The following GABRG3 variants were observed in gnomAD, a reference collection of about 807,000 sequenced individuals.
GABRG3 encodes gamma-aminobutyric acid type A receptor subunit gamma3, also known as gamma-aminobutyric acid receptor subunit gamma-3.
In GABRG3, 25 loss-of-function variants were observed where a neutral mutation model predicts 48.8. That is an observed-to-expected ratio of 0.51 (90% CI 0.37 to 0.72). The LOEUF (loss-of-function observed/expected upper bound fraction) is 0.72. Ranked by LOEUF, GABRG3 falls within the 30% of genes least tolerant of loss-of-function variation. The pLI is 0.00. For missense variants in GABRG3, 394 were observed against 577.9 expected (o/e 0.68, Z 3.26); for synonymous variants, 227 against 217.6 (o/e 1.04, Z -0.38).
intron 1 of GABRG3, among the ~76,000 whole-genome samples, chr15:26,973,708 T>G (rs1402587260): frequency 6.6e-6 from 1 of 152,248 alleles, no homozygotes; most frequent in African/African-American, 2.4e-5. Flanking sequence ...ATGCCTTAAC[T>G]GCTTTCTGAG....
intron 3 of GABRG3, among the ~76,000 whole-genome samples, chr15:27,052,891 T>C (rs546064486): frequency 5.9e-5 from 9 of 152,042 alleles, no homozygotes; most frequent in Admixed American, 1.3e-4. Context: ...TTTGATAAAA[T>C]TGATAAAAAT....
chr15:27,101,248 A>G (rs1897351272), intron 3 of GABRG3, among the ~76,000 whole-genome samples: 1 of 152,240 alleles, frequency 6.6e-6, no homozygotes, highest in African/African-American at 2.4e-5. Context: ...AAATCTAACA[A>G]ACAGGTACAG....
intron 3 of GABRG3, among the ~76,000 whole-genome samples, chr15:27,298,496 A>G (rs1425518001): frequency 6.6e-6 from 1 of 152,152 alleles, no homozygotes; most frequent in Non-Finnish European, 1.5e-5. Flanking sequence ...ATAGTCAATT[A>G]TGTATTCGTT....
At chr15:27,403,927 A>AC (rs1217733969) in intron 5 of GABRG3, among the ~76,000 whole-genome samples, 4,303 of 125,100 alleles carry the variant, frequency 0.034, 99 homozygotes, top group Middle Eastern at 0.095. Flanking sequence ...AAAAAAAAAA[A>AC]ACAAAAAAAA....
chr15:27,119,400 GAT>G (rs1897694664), intron 3 of GABRG3, among the ~76,000 whole-genome samples: 1 of 152,208 alleles, frequency 6.6e-6, no homozygotes, highest in East Asian at 1.9e-4. Context: ...TTAAGGAAAA[GAT>G]ATAACTTTTT....
intron 3 of GABRG3, among the ~76,000 whole-genome samples, chr15:27,030,981 A>C (rs777113480): frequency 1.3e-5 from 2 of 151,908 alleles, no homozygotes; most frequent in African/African-American, 2.4e-5. Context: ...TAAATTAATA[A>C]ATTTTTTGAG....
chr15:27,398,981 A>G (rs1887401507), intron 5 of GABRG3, among the ~76,000 whole-genome samples: 1 of 152,178 alleles, frequency 6.6e-6, no homozygotes, highest in African/African-American at 2.4e-5. Context: ...TCTGTTTTCT[A>G]CATTGTGAGT....
chr15:27,277,848 T>G (rs541335256), intron 3 of GABRG3, among the ~76,000 whole-genome samples: 1 of 152,298 alleles, frequency 6.6e-6, no homozygotes. Flanking sequence ...ATTTTTATAT[T>G]ATTATAGTTT....
chr15:27,169,896 A>G (rs773570978), intron 3 of GABRG3, among the ~76,000 whole-genome samples: 2 of 152,224 alleles, frequency 1.3e-5, no homozygotes, highest in Non-Finnish European at 2.9e-5. Context: ...ACCAAAAACA[A>G]TGGAAAAACA....
At chr15:27,030,555 T>G (rs1896065210) in intron 3 of GABRG3, among the ~76,000 whole-genome samples, 1 of 152,216 alleles carries the variant, frequency 6.6e-6, no homozygotes, top group Non-Finnish European at 1.5e-5. Context: ...TACCTAAATG[T>G]GTAGCATTCA....
intron 2 of GABRG3, among the ~76,000 whole-genome samples, chr15:27,016,398 TC>T (rs201378377): frequency 0.016 from 2,491 of 152,216 alleles, 35 homozygotes; most frequent in Non-Finnish European, 0.024. Context: ...TGATTTTTTT[TC>T]CTTTCAGCAT....
intron 3 of GABRG3, among the ~76,000 whole-genome samples, chr15:27,147,110 GA>G (rs1898222943): frequency 2.0e-5 from 3 of 151,954 alleles, no homozygotes; most frequent in African/African-American, 7.2e-5. Flanking sequence ...ACCATGACAA[GA>G]GTACTAAAAG....
chr15:27,127,243 GAT>G (rs1307095655), intron 3 of GABRG3, among the ~76,000 whole-genome samples: 3 of 151,998 alleles, frequency 2.0e-5, no homozygotes, highest in Non-Finnish European at 2.9e-5. Context: ...AAATATGATA[GAT>G]ATATAGAATG....
At chr15:27,151,907 C>G (rs1347893586) in intron 3 of GABRG3, among the ~76,000 whole-genome samples, 1 of 152,076 alleles carries the variant, frequency 6.6e-6, no homozygotes, top group East Asian at 1.9e-4. Flanking sequence ...GTACCTAGTC[C>G]TTTGTTGGAT....
intron 3 of GABRG3, among the ~76,000 whole-genome samples, chr15:27,117,809 A>G (rs922433291): frequency 6.6e-6 from 1 of 152,228 alleles, no homozygotes; most frequent in Non-Finnish European, 1.5e-5. Context: ...TGTGTCCTGT[A>G]TATCTTTCTA....
intron 2 of GABRG3, among the ~76,000 whole-genome samples, chr15:27,015,382 G>C (rs1489238588): frequency 2.4e-5 from 3 of 127,540 alleles, no homozygotes; most frequent in African/African-American, 9.4e-5. Context: ...TTTTGTGTTT[G>C]ATTTTTTTTT....
intron 2 of GABRG3, among the ~76,000 whole-genome samples, chr15:26,981,927 G>A (rs140577475): frequency 7.2e-5 from 11 of 152,314 alleles, no homozygotes; most frequent in African/African-American, 2.6e-4. Flanking sequence ...TGTAGTGTGG[G>A]AGACTTTGAA....
At chr15:27,265,942 AG>A in intron 3 of GABRG3, among the ~76,000 whole-genome samples, 1 of 139,660 alleles carries the variant, frequency 7.2e-6, no homozygotes, top group South Asian at 2.2e-4. Flanking sequence ...GTGCAATGGC[AG>A]GATCTCGGCT....
chr15:27,457,538 C>T lies in GABRG3; in HGVS notation c.575-23112C>T, dbSNP rs1031347789. 1.3e-5 allele frequency among the ~76,000 whole-genome samples: 2 copies of T among 152,166 alleles called. No individual in the cohort carries two copies. Among genetic ancestry groups the T allele is most frequent in the Admixed American group, 6.5e-5 (1 of 15,282 alleles). ...TTTAAATGAAGAGCTTCACACTTGGCAGAGGAGGACCTGCGATTAGATACG... is the reference window on the plus strand; with the variant it reads ...TTTAAATGAAGAGCTTCACACTTGGTAGAGGAGGACCTGCGATTAGATACG... On this transcript the variant is annotated intron_variant, in intron 5 of 9. Coordinates refer to ENST00000615808, the MANE Select transcript of GABRG3 (RefSeq NM_033223.5). This position sits in a 1 kb window ranked among gnomAD's most constrained non-coding sequence, Gnocchi z 4.4.
Sources: gnomAD v4.1 joint callset for allele counts (sites outside exome capture counted in the v4.1 genomes callset) on GRCh38, gnomAD v4.1.1 for gene constraint, Gnocchi (gnomAD v3.1) non-coding constraint, MANE v1.5 for transcripts, NCBI Gene and HGNC (gene_info 2026-07-23, HGNC 2026-07-21) for gene names.